ABI3: variants seen among roughly 807,000 people sequenced by gnomAD.
ABI3 encodes the protein ABI family member 3.
A neutral mutation model predicts 37.0 loss-of-function variants in ABI3; 24 were observed. The observed-to-expected ratio is 0.65, with a 90% CI of 0.47 to 0.91. ABI3 has a LOEUF of 0.91. ABI3 is among the 40% of genes least tolerant of loss of function. ABI3 has a pLI of 0.00. For missense variants in ABI3, 481 were observed against 485.1 expected, an observed-to-expected ratio of 0.99 and a Z score of 0.08; for synonymous variants, 220 against 211.8, an observed-to-expected ratio of 1.04 and a Z score of -0.34.
Position 49,220,243 on chromosome 17 carries a change from C to A in ABI3, c.719C>A (p.Ser240Tyr). Residue 240 changes from serine (S) to tyrosine (Y), a missense_variant, in exon 6 of 8, where the codon TCC (serine) becomes TAC (tyrosine). By Grantham distance (144) the Ser-to-Tyr change is moderately radical (BLOSUM62 -2). Transcript: ENST00000225941. Reference sequence around the variant, plus strand: ...CCTCCAGCCCCACCTCTCCCCAGCTCCTTGGACCCACCTCCTCCACCAGCA... The same window carrying A: ...CCTCCAGCCCCACCTCTCCCCAGCTACTTGGACCCACCTCCTCCACCAGCA... ...AAPPAPPLPS[S>Y]LDPPPPPAAV... 6.2e-7 allele frequency: 1 copy of A among 1,611,272 alleles called. No individual in the cohort carries two copies.
rs758831966 is a variant in ABI3, at chr17:49,216,634, G to A, written c.221G>A (p.Arg74His). The change falls in exon 2 of 8, where the codon CGC (arginine) becomes CAC (histidine). Residue 74 changes from arginine (R) to histidine (H), a missense_variant. Arg to His is a conservative substitution (Grantham distance 29, BLOSUM62 0). Coordinates refer to ENST00000225941, the MANE Select transcript of ABI3 (RefSeq NM_016428.3). The part of the protein sequence containing the change: ...QVGNLAGHTL[R>H]MLDLQGAALR... ...GGCAACCTGGCCGGGCACACTCTGC[G>A]CATGTTGGACCTGCAGGGGGCCGCC... The A allele has an allele frequency of 9.9e-6, 16 of 1,611,504 alleles. No individual in the cohort carries two copies. Among genetic ancestry groups the A allele is most frequent in the East Asian group, 6.7e-5 (3 of 44,692 alleles).
chr17:49,213,310 T>C (rs1323488677), intron 1 of ABI3, among the ~76,000 whole-genome samples: 1 of 152,200 alleles, frequency 6.6e-6, no homozygotes, highest in East Asian at 1.9e-4. Flanking sequence ...GTTGGAATCC[T>C]TGGACTCCTG....
chr17:49,216,389 G>T, intron 1 of ABI3, 142 bp from the exon 2 acceptor site: 2 of 654,708 alleles, frequency 3.1e-6, no homozygotes, highest in Non-Finnish European at 4.6e-6. Flanking sequence ...CATTCTGCTG[G>T]GAGCCACCTC....
chr17:49,216,295 C>T (rs891420910), intron 1 of ABI3, among the ~76,000 whole-genome samples: 8 of 151,992 alleles, frequency 5.3e-5, no homozygotes, highest in Non-Finnish European at 7.4e-5. Context: ...CTTTCCCTCC[C>T]TTTGCATCCA....
Position 49,223,163 on chromosome 17 carries a change from C to G in ABI3, c.*448C>G. ...TTTCCTCAGTACCCACAAAGTGCAG[C>G]CCACATTGGACCCCAGACACCCCTC... On this transcript the variant is annotated 3_prime_UTR_variant, in exon 8 of 8. Transcript: ENST00000225941. The G allele has an allele frequency of 2.5e-6, 1 of 407,808 alleles. No homozygotes were observed. The highest frequency in any genetic ancestry group is 4.3e-6 in the Non-Finnish European group (1 of 231,842). The allele number at this position is 407,808 out of a possible 1,614,324, so 25.3% of individuals were successfully genotyped here.
At chr17:49,217,709 C>A in intron 2 of ABI3, 30 bp from the exon 3 acceptor site, 1 of 1,584,854 alleles carries the variant, frequency 6.3e-7, no homozygotes. Flanking sequence ...CAGACCACCC[C>A]TCTCTGTCAC....
At position 49,217,840 on chromosome 17, in the gene ABI3, CCT is replaced by C; in HGVS notation, c.388_389del (p.Leu130ThrfsTer157). The C allele has an allele frequency of 6.2e-7, 1 of 1,607,468 alleles. No homozygotes were observed. On this transcript the variant is annotated frameshift_variant, in exon 3 of 8. Coordinates refer to ENST00000225941, the MANE Select transcript of ABI3 (RefSeq NM_016428.3). LOFTEE classifies it high-confidence loss of function. ...GCCAGAAGGTCATCGCCCCAGAGAA[CCT>C]ACCCCCTCTCACGCCCTACTGCAGG... ...PGQKVIAPEN[L>X]PPLTPYCRRP...
chr17:49,219,590 C>G lies in ABI3; in HGVS notation c.513C>G (p.Ile171Met), dbSNP rs2143534491. ...CAGGCACCCTGTCTCGAAAGAGCATCAAGGCCCCTGCCACACCCGCCTCCG... is the reference window on the plus strand; with the variant it reads ...CAGGCACCCTGTCTCGAAAGAGCATGAAGGCCCCTGCCACACCCGCCTCCG... Reference protein sequence around the residue: ...SRTGTLSRKSIKAPATPASAT... With the variant: ...SRTGTLSRKSMKAPATPASAT... Residue 171 changes from isoleucine (I) to methionine (M), a missense_variant, in exon 4 of 8, where the codon ATC becomes ATG. Transcript: ENST00000225941. This position sits in a 1 kb window ranked among gnomAD's most constrained non-coding sequence, Gnocchi z 4.3. 6.2e-7 allele frequency: 1 copy of G among 1,600,584 alleles called. No homozygotes were observed. The highest frequency in any genetic ancestry group is 8.5e-7 in the Non-Finnish European group (1 of 1,173,958).
At chr17:49,212,663 A>C (rs939227903) in intron 1 of ABI3, among the ~76,000 whole-genome samples, 2 of 152,160 alleles carry the variant, frequency 1.3e-5, no homozygotes, top group Non-Finnish European at 2.9e-5. Flanking sequence ...ACAGTGAGGA[A>C]GCTGAGGTTT....
chr17:49,216,134 T>C (rs1181312533), intron 1 of ABI3, among the ~76,000 whole-genome samples: 1 of 146,318 alleles, frequency 6.8e-6, no homozygotes, highest in East Asian at 2.0e-4. Flanking sequence ...AAAAAAAGAA[T>C]GTCTGCTCTA....
At chr17:49,216,209 C>A (rs1466524483) in intron 1 of ABI3, among the ~76,000 whole-genome samples, 1 of 151,976 alleles carries the variant, frequency 6.6e-6, no homozygotes, top group Non-Finnish European at 1.5e-5. Flanking sequence ...AAAGGACAGC[C>A]TGTTACTGAA....
rs2043308870 is a variant in ABI3, at chr17:49,222,895, G to A, written c.*180G>A. The A allele has an allele frequency of 1.1e-5, 8 of 713,312 alleles. No homozygotes were observed. The highest frequency in any genetic ancestry group is 4.5e-6 in the Non-Finnish European group (2 of 446,460). 44.2% of individuals were successfully genotyped at this position (713,312 alleles called of 1,614,324 possible). A position where few individuals can be genotyped will look rare whatever the true frequency, so the allele number is the denominator to read the frequency against. Reference sequence around the variant, plus strand: ...CCTGGGGAGAGAGAATTTATCCAGAGGCCTGCTGCAGATGGGGAAGAGCTG... The same window carrying A: ...CCTGGGGAGAGAGAATTTATCCAGAAGCCTGCTGCAGATGGGGAAGAGCTG... On this transcript the variant is annotated 3_prime_UTR_variant, in exon 8 of 8. Coordinates refer to ENST00000225941, the MANE Select transcript of ABI3 (RefSeq NM_016428.3).
intron 6 of ABI3, among the ~76,000 whole-genome samples, chr17:49,221,419 C>T (rs1598246852): frequency 6.6e-6 from 1 of 151,988 alleles, no homozygotes; most frequent in Middle Eastern, 3.4e-3. Flanking sequence ...TGCAGTGAGC[C>T]GAGATCGTGC....
intron 5 of ABI3, 64 bp downstream of exon 5, chr17:49,220,017 T>G: frequency 6.6e-7 from 1 of 1,526,152 alleles, no homozygotes; most frequent in African/African-American, 1.4e-5. Flanking sequence ...AGGGGCCACC[T>G]GCCAGTGGTC....
intron 5 of ABI3, 86 bp from the exon 6 acceptor site, chr17:49,220,083 C>A: frequency 6.3e-7 from 1 of 1,590,166 alleles, no homozygotes; most frequent in Non-Finnish European, 8.6e-7. Context: ...ACGTGCAGGG[C>A]TGGGGTCAGG....
chr17:49,210,832 C>T lies in ABI3; in HGVS notation c.108C>T (p.Asn36=), dbSNP rs1439316417. ...LLRVADYCED[N]YVQATDKRKA... ...GGGTCGCTGACTACTGCGAGGACAA[C>T]TATGTGCAGGTAGGTAGAGCGGGCG... The change falls in exon 1 of 8, where the codon AAC becomes AAT. Residue 36 remains asparagine (N), a synonymous_variant. Coordinates refer to ENST00000225941, the MANE Select transcript of ABI3 (RefSeq NM_016428.3). This position sits in a 1 kb window ranked among gnomAD's most constrained non-coding sequence, Gnocchi z 4.2. The T allele has an allele frequency of 3.9e-6, 6 of 1,554,318 alleles. No individual in the cohort carries two copies. The African/African-American group carries it at 8.2e-5, about 21-fold the overall frequency.
In ABI3 at chr17:49,210,984, T is replaced by A; in HGVS notation, c.117+143T>A. On this transcript the variant is annotated intron_variant, in intron 1 of 7. Coordinates refer to ENST00000225941, the MANE Select transcript of ABI3 (RefSeq NM_016428.3). The surrounding 1 kb of genome is among the most constrained non-coding windows in gnomAD (Gnocchi z 4.2). ...AAATCCTCCCATTCCAGGCTTCGGC[T>A]TCATCCCAGACCCCAATACTTAACC... 1 of 677,372 alleles carries A rather than the reference T, an allele frequency of 1.5e-6. No individual in the cohort carries two copies. The highest frequency in any genetic ancestry group is 2.5e-6 in the Non-Finnish European group (1 of 403,228). 42.0% of individuals were successfully genotyped at this position (677,372 alleles called of 1,614,324 possible).
rs1163699820 is a variant in ABI3, at chr17:49,222,781, C to T, written c.*66C>T. 2.3e-5 allele frequency: 35 copies of T among 1,493,340 alleles called. No homozygotes were observed. Among genetic ancestry groups the T allele is most frequent in the Non-Finnish European group, 3.0e-5 (33 of 1,113,394 alleles). 92.5% of individuals were successfully genotyped at this position (1,493,340 alleles called of 1,614,324 possible). A position where few individuals can be genotyped will look rare whatever the true frequency, so the allele number is the denominator to read the frequency against. ...GGGTTTCATGAGCCCCAAGCCAAAACCAGCTCCAGTCACAGCTGGACTGGG... is the reference window on the plus strand; with the variant it reads ...GGGTTTCATGAGCCCCAAGCCAAAATCAGCTCCAGTCACAGCTGGACTGGG... On this transcript the variant is annotated 3_prime_UTR_variant, in exon 8 of 8. Transcript: ENST00000225941.
At chr17:49,221,415 G>A (rs950509321) in intron 6 of ABI3, among the ~76,000 whole-genome samples, 9 of 152,238 alleles carry the variant, frequency 5.9e-5, no homozygotes, top group African/African-American at 1.9e-4. Flanking sequence ...GGCTTGCAGT[G>A]AGCCGAGATC....
Sources: allele counts gnomAD v4.1 joint callset (sites outside exome capture counted in the v4.1 genomes callset), GRCh38; gene constraint gnomAD v4.1.1; non-coding constraint Gnocchi (gnomAD v3.1); transcripts MANE v1.5; gene names NCBI Gene and HGNC (gene_info 2026-07-23, HGNC 2026-07-21).